The following AFF3 variants were observed in gnomAD, a reference collection of about 807,000 sequenced individuals.
AFF3 encodes AF4/FMR2 family member 3.
Under a neutral mutation model 129.7 loss-of-function variants are expected in AFF3, and 32 were observed. That is an observed-to-expected ratio of 0.25 (90% CI 0.19 to 0.33). The LOEUF (loss-of-function observed/expected upper bound fraction) is 0.33. AFF3 is among the 10% of genes least tolerant of loss of function. The probability of loss-of-function intolerance (pLI) is 1.00; values close to 1 mark genes in which losing one functional copy is unlikely to be tolerated. For synonymous variants in AFF3, 644 were observed against 635.4 expected, an observed-to-expected ratio of 1.01 and a Z score of -0.20; for missense variants, 1,373 against 1,592.0, an observed-to-expected ratio of 0.86 and a Z score of 2.34.
intron 4 of AFF3, among the ~76,000 whole-genome samples, chr2:100,052,010 G>C (rs1686374911): frequency 6.6e-6 from 1 of 152,180 alleles, no homozygotes; most frequent in Non-Finnish European, 1.5e-5. Flanking sequence ...GATTTTCAAA[G>C]GGCCTCGGGA....
chr2:100,113,035 G>T (rs1691580273), intron 2 of AFF3, among the ~76,000 whole-genome samples: 1 of 152,164 alleles, frequency 6.6e-6, no homozygotes, highest in African/African-American at 2.4e-5. Flanking sequence ...ACTTGACTGA[G>T]TGTCAGCCCA....
intron 7 of AFF3, among the ~76,000 whole-genome samples, chr2:99,954,552 T>C (rs796647779): frequency 5.9e-5 from 9 of 152,116 alleles, no homozygotes; most frequent in African/African-American, 2.2e-4. Context: ...TAAGAAAATG[T>C]GGCACATATA....
chr2:100,041,016 G>C (rs1202848670), intron 4 of AFF3, among the ~76,000 whole-genome samples: 2 of 152,244 alleles, frequency 1.3e-5, no homozygotes, highest in Admixed American at 1.3e-4. Flanking sequence ...TCAATGCAGA[G>C]CCAAAGCCTG....
rs1384039964 is a variant in AFF3 at position 100,006,982 on chromosome 2, C to T, written c.523G>A (p.Gly175Ser). 2.5e-6 allele frequency: 4 copies of T among 1,612,528 alleles called. No homozygotes were observed. The highest frequency in any genetic ancestry group is 3.4e-6 in the Non-Finnish European group (4 of 1,178,900). Reference sequence around the variant, plus strand: ...GCCCGAGGCTGCTGTCTGCCAACACCATCTCCAAGCAAGGTCCTGAGAGAG... The same window carrying T: ...GCCCGAGGCTGCTGTCTGCCAACACTATCTCCAAGCAAGGTCCTGAGAGAG... The part of the protein sequence containing the change: ...QGSLRTLLGD[G>S]VGRQQPRAKQ... Residue 175 changes from glycine to serine, a missense_variant, in exon 7 of 25, where the codon GGT (glycine) becomes AGT (serine). By Grantham distance (56) the Gly-to-Ser change is moderately conservative. Transcript: ENST00000672756.
At chr2:99,966,559 G>A (rs181410304) in intron 7 of AFF3, among the ~76,000 whole-genome samples, 11,144 of 148,254 alleles carry the variant, frequency 0.075, 1,139 homozygotes, top group African/African-American at 0.23. Context: ...GCGTAGTGGC[G>A]GGCGCCTGTA....
At chr2:100,007,059 G>C (rs1682037492) in intron 6 of AFF3, 42 bp from the exon 7 acceptor site, 3 of 1,588,920 alleles carry the variant, frequency 1.9e-6, no homozygotes, top group Non-Finnish European at 2.6e-6. Context: ...GGATGAGGGG[G>C]GTCGACACAT....
intron 7 of AFF3, among the ~76,000 whole-genome samples, chr2:99,967,966 A>G (rs551978043): frequency 7.9e-5 from 12 of 152,336 alleles, no homozygotes; most frequent in Admixed American, 7.2e-4. Context: ...AGCCTGCAAC[A>G]TACCATTCTG....
At chr2:99,874,894 AG>A (rs901921539) in intron 7 of AFF3, among the ~76,000 whole-genome samples, 11 of 152,222 alleles carry the variant, frequency 7.2e-5, no homozygotes, top group African/African-American at 2.7e-4. Context: ...AAAAATGATT[AG>A]GAAAAAAACA....
chr2:99,626,375 C>CCTTCCTCCCTCCCTT (rs1165115593), intron 13 of AFF3, among the ~76,000 whole-genome samples: 1 of 145,050 alleles, frequency 6.9e-6, no homozygotes, highest in Non-Finnish European at 1.5e-5. Flanking sequence ...TTCCTCCCTT[C>CCTTCCTCCCTCCCTT]CTTCCTCCCT....
At chr2:99,953,400 C>T (rs753171772) in intron 7 of AFF3, among the ~76,000 whole-genome samples, 5 of 152,148 alleles carry the variant, frequency 3.3e-5, no homozygotes, top group Non-Finnish European at 5.9e-5. Context: ...ACAGACTCAC[C>T]CCAACACTCA....
At chr2:99,706,760 C>T (rs1406836374) in intron 11 of AFF3, among the ~76,000 whole-genome samples, 1 of 152,210 alleles carries the variant, frequency 6.6e-6, no homozygotes, top group African/African-American at 2.4e-5. Context: ...GCAGTAACAT[C>T]ACCAAACAAC....
chr2:99,695,960 A>C (rs12998211), intron 11 of AFF3, among the ~76,000 whole-genome samples: 2 of 106,346 alleles, frequency 1.9e-5, no homozygotes, highest in Non-Finnish European at 3.7e-5. Context: ...AAAAAAAAAA[A>C]CCAAAAGAAA....
chr2:99,688,319 C>CA (rs1177629440), intron 11 of AFF3, among the ~76,000 whole-genome samples: 1 of 152,150 alleles, frequency 6.6e-6, no homozygotes, highest in Non-Finnish European at 1.5e-5. Context: ...TAGTGATGGA[C>CA]ACAAATCAAA....
intron 7 of AFF3, among the ~76,000 whole-genome samples, chr2:99,947,180 C>T (rs894520802): frequency 6.6e-5 from 10 of 152,122 alleles, no homozygotes; most frequent in Non-Finnish European, 1.2e-4. Flanking sequence ...GTGGCTCATG[C>T]CTGTAATCCT....
At chr2:100,105,973 A>AC in intron 2 of AFF3, 1 of 1,326,842 alleles carries the variant, frequency 7.5e-7, no homozygotes, top group South Asian at 1.2e-5. Flanking sequence ...AGAAATGTAA[A>AC]CCCTGGGTGC....
At chr2:99,933,912 G>T (rs1674280322) in intron 7 of AFF3, among the ~76,000 whole-genome samples, 1 of 152,178 alleles carries the variant, frequency 6.6e-6, no homozygotes, top group African/African-American at 2.4e-5. Context: ...TGGAAGACAA[G>T]CTTCAACTCC....
intron 13 of AFF3, among the ~76,000 whole-genome samples, chr2:99,630,240 C>A (rs564090997): frequency 6.6e-6 from 1 of 152,316 alleles, no homozygotes; most frequent in South Asian, 2.1e-4. Context: ...GGATGCGCTG[C>A]ATGAAGCTTG....
Position 99,837,526 on chromosome 2 carries a change from T to C in AFF3, c.874-2A>G. The stretch of plus-strand genomic sequence containing the variant: ...GTTGGTTTCTCCAGATCTACTCTCC[T>C]GAAAGCAAAGAAAAAAAAATTAAGC... On this transcript the variant is annotated splice_acceptor_variant, in intron 7 of 24. Transcript: ENST00000672756. LOFTEE classifies it high-confidence loss of function. The C allele has an allele frequency of 6.2e-7, 1 of 1,613,166 alleles. No homozygotes were observed. Among genetic ancestry groups the C allele is most frequent in the Non-Finnish European group, 8.5e-7 (1 of 1,179,668 alleles).
intron 8 of AFF3, among the ~76,000 whole-genome samples, chr2:99,796,327 CA>C (rs1362801026): frequency 3.3e-5 from 5 of 152,176 alleles, no homozygotes; most frequent in Middle Eastern, 3.2e-3. Flanking sequence ...TTACTTAATA[CA>C]AAACTCTTCA....
Sources: gnomAD v4.1 joint callset for allele counts (sites outside exome capture counted in the v4.1 genomes callset) on GRCh38, gnomAD v4.1.1 for gene constraint, MANE v1.5 for transcripts, NCBI Gene and HGNC (gene_info 2026-07-23, HGNC 2026-07-21) for gene names.